The following CSNK2A1 variants were observed in gnomAD, a reference collection of about 807,000 sequenced individuals.
CSNK2A1 encodes the protein casein kinase 2 alpha 1, also known as casein kinase II subunit alpha.
In CSNK2A1, 10 loss-of-function variants were observed where a neutral mutation model predicts 62.9. The ratio of observed to expected loss-of-function variants is 0.16; its 90% CI spans 0.10 to 0.27. The LOEUF (loss-of-function observed/expected upper bound fraction) is 0.27. Among genes scored for constraint, CSNK2A1 ranks in the 10% least tolerant of loss-of-function variants. The pLI is 1.00. For synonymous variants in CSNK2A1, 124 were observed against 167.8 expected, an observed-to-expected ratio of 0.74 and a Z score of 2.02; for missense variants, 160 against 492.0, an observed-to-expected ratio of 0.33 and a Z score of 6.38.
At position 475,123 on chromosome 20, in the gene CSNK2A1, T is replaced by C. The variant is rs1445044010; in HGVS notation, c.*8838A>G. 6.6e-6 allele frequency: 1 copy of C among 152,164 alleles called. No homozygotes were observed. The highest frequency in any genetic ancestry group is 1.5e-5 in the Non-Finnish European group (1 of 68,040). 9.4% of individuals were successfully genotyped at this position (152,164 alleles called of 1,614,324 possible). On this transcript the variant is annotated 3_prime_UTR_variant, in exon 14 of 14. Transcript: ENST00000217244. ...TTGTGTTGTTTCTGGCCATGGAGTC[T>C]CAAAGACTGATTCTCAATTTTTGTT...
At chr20:518,635 T>C (rs1431503566) in intron 2 of CSNK2A1, among the ~76,000 whole-genome samples, 2 of 151,840 alleles carry the variant, frequency 1.3e-5, no homozygotes, top group East Asian at 1.9e-4. Flanking sequence ...CAAGCTCTGC[T>C]TCCTGGGTTC....
At chr20:498,937 C>T (rs948139250) in intron 6 of CSNK2A1, 6 of 175,592 alleles carry the variant, frequency 3.4e-5, no homozygotes, top group African/African-American at 7.1e-5. Flanking sequence ...TTGTTTAAAG[C>T]GAATTGCCAT....
intron 9 of CSNK2A1, among the ~76,000 whole-genome samples, chr20:491,247 T>C (rs2018229785): frequency 6.6e-6 from 1 of 152,208 alleles, no homozygotes; most frequent in South Asian, 2.1e-4. Flanking sequence ...TTAATTTGGT[T>C]CCTTTCTCCT....
At chr20:533,770 G>T (rs753880761) in intron 1 of CSNK2A1, among the ~76,000 whole-genome samples, 1 of 152,182 alleles carries the variant, frequency 6.6e-6, no homozygotes, top group Non-Finnish European at 1.5e-5. Context: ...GAGTGTCAAT[G>T]TGACATAAAT....
intron 2 of CSNK2A1, among the ~76,000 whole-genome samples, chr20:511,156 T>C (rs1031399002): frequency 1.9e-4 from 29 of 151,962 alleles, no homozygotes; most frequent in African/African-American, 7.0e-4. Flanking sequence ...CTGGGCAACA[T>C]GGTAAAACCC....
chr20:489,335 C>G, intron 10 of CSNK2A1: 1 of 196,360 alleles, frequency 5.1e-6, no homozygotes, highest in Non-Finnish European at 1.0e-5. Context: ...GTACCTTCCA[C>G]AAGGTCCTAG....
intron 8 of CSNK2A1, among the ~76,000 whole-genome samples, chr20:493,109 A>G (rs1350749765): frequency 6.6e-6 from 1 of 152,206 alleles, no homozygotes; most frequent in Non-Finnish European, 1.5e-5. Flanking sequence ...TACTCCCTGC[A>G]AAAGCACCTC....
intron 3 of CSNK2A1, 27 bp downstream of exon 3, chr20:508,424 T>A: frequency 1.2e-6 from 2 of 1,612,084 alleles, no homozygotes; most frequent in Non-Finnish European, 1.7e-6. Flanking sequence ...TTTGAGTGAG[T>A]ATAATGAAGT....
chr20:539,384 T>C (rs1336836591), intron 1 of CSNK2A1: 3 of 152,224 alleles, frequency 2.0e-5, no homozygotes, highest in African/African-American at 7.2e-5. Context: ...GGGACTGGCC[T>C]TTCCTACTAG....
At chr20:485,272 C>T (rs939676415) in intron 13 of CSNK2A1, among the ~76,000 whole-genome samples, 3 of 150,998 alleles carry the variant, frequency 2.0e-5, no homozygotes, top group African/African-American at 7.3e-5. Flanking sequence ...CAACCTCTGC[C>T]TCCCAAGTTC....
rs201877131 is a variant in CSNK2A1 at position 486,411 on chromosome 20, C to T, written c.1025G>A (p.Gly342Asp). 3.1e-6 allele frequency: 5 copies of T among 1,613,070 alleles called. No homozygotes were observed. The Admixed American group carries it at 5.0e-5, about 16-fold the overall frequency. ...ATTGGCGCTGCTGACGGGCGTACTG[C>T]CCCCTGGCATGCTAGATGAACCCAT... ...ARMGSSSMPG[G>D]STPVSSANMM... The change falls in exon 13 of 14, where the codon GGC becomes GAC. Residue 342 changes from glycine to aspartate, a missense_variant. By Grantham distance (94) the Gly-to-Asp change is moderately conservative. Coordinates refer to ENST00000217244, the MANE Select transcript of CSNK2A1 (RefSeq NM_177559.3).
At chr20:495,073 G>A (rs544624762) in intron 8 of CSNK2A1, 2 of 152,282 alleles carry the variant, frequency 1.3e-5, no homozygotes, top group East Asian at 3.9e-4. Flanking sequence ...ATTGTATGTT[G>A]AGTTCACTTA....
intron 10 of CSNK2A1, chr20:489,573 T>C: frequency 2.3e-6 from 1 of 440,960 alleles, no homozygotes; most frequent in Non-Finnish European, 4.0e-6. Flanking sequence ...AATTTATATG[T>C]ATTCTTCACA....
chr20:515,100 G>C (rs2256420), intron 2 of CSNK2A1, among the ~76,000 whole-genome samples: 46,349 of 151,860 alleles, frequency 0.31, 7,647 homozygotes, highest in East Asian at 0.67. Flanking sequence ...CTGAGTGTGG[G>C]ACAGGACTTA....
chr20:472,740 T>C lies in CSNK2A1; in HGVS notation c.*11221A>G, dbSNP rs944831587. 3 of 152,254 alleles carry C rather than the reference T, an allele frequency of 2.0e-5. No homozygotes were observed. Among genetic ancestry groups the C allele is most frequent in the Non-Finnish European group, 2.9e-5 (2 of 68,038 alleles). 9.4% of individuals were successfully genotyped at this position (152,254 alleles called of 1,614,324 possible). ...ACAAATTTATCTAGGTAAGTTCCTATACAACTCCCCTGTTATCTGCCCTTT... is the reference window on the plus strand; with the variant it reads ...ACAAATTTATCTAGGTAAGTTCCTACACAACTCCCCTGTTATCTGCCCTTT... On this transcript the variant is annotated 3_prime_UTR_variant, in exon 14 of 14. Transcript: ENST00000217244.
chr20:508,202 A>G (rs530867895), intron 3 of CSNK2A1: 3 of 418,344 alleles, frequency 7.2e-6, no homozygotes, highest in Non-Finnish European at 8.7e-6. Context: ...CTGCATATAC[A>G]TCATAGAAAA....
At chr20:493,460 T>G (rs1222246398) in intron 8 of CSNK2A1, among the ~76,000 whole-genome samples, 5 of 152,172 alleles carry the variant, frequency 3.3e-5, no homozygotes, top group Non-Finnish European at 7.3e-5. Context: ...TATAAACAGC[T>G]TTTTAAAAGG....
rs1295052853 is a variant in CSNK2A1 at position 499,731 on chromosome 20, T to C, written c.315+102A>G. On this transcript the variant is annotated intron_variant, in intron 5 of 13. Transcript: ENST00000217244. This position sits in a 1 kb window ranked among gnomAD's most constrained non-coding sequence, Gnocchi z 4.2. ...GATTAAGCACTTTCAAAGCAGGACT[T>C]AATGATGAGGGTTGGGGGAGGGAAC... The C allele has an allele frequency of 9.3e-7, 1 of 1,080,718 alleles. No individual in the cohort carries two copies. The highest frequency in any genetic ancestry group is 1.4e-6 in the Non-Finnish European group (1 of 712,332). 66.9% of individuals were successfully genotyped at this position (1,080,718 alleles called of 1,614,324 possible). A position where few individuals can be genotyped will look rare whatever the true frequency, so the allele number is the denominator to read the frequency against.
Position 472,535 on chromosome 20 carries a change from G to A in CSNK2A1, c.*11426C>T, listed in dbSNP as rs912632889. The A allele has an allele frequency of 2.0e-5, 3 of 152,764 alleles. No homozygotes were observed. Among genetic ancestry groups the A allele is most frequent in the Non-Finnish European group, 2.9e-5 (2 of 68,194 alleles). The allele number at this position is 152,764 out of a possible 1,614,324, so 9.5% of individuals were successfully genotyped here. ...GCAGGCTAGGGGACTGCCAGCACTA[G>A]GGGCCGAAGAGAGTTAGCAGTCCCC... On this transcript the variant is annotated 3_prime_UTR_variant, in exon 14 of 14. Coordinates refer to ENST00000217244, the MANE Select transcript of CSNK2A1 (RefSeq NM_177559.3).
Sources: allele counts gnomAD v4.1 joint callset (sites outside exome capture counted in the v4.1 genomes callset), GRCh38; gene constraint gnomAD v4.1.1; non-coding constraint Gnocchi (gnomAD v3.1); transcripts MANE v1.5; gene names NCBI Gene and HGNC (gene_info 2026-07-23, HGNC 2026-07-21).